ZNF324B: variants seen among roughly 807,000 people sequenced by gnomAD.
ZNF324B encodes zinc finger protein 324B.
A neutral mutation model predicts 10.6 loss-of-function variants in ZNF324B; 7 were observed. That is an observed-to-expected ratio of 0.66 (90% CI 0.38 to 1.24). The LOEUF (loss-of-function observed/expected upper bound fraction) is 1.24, where lower values mean the gene tolerates loss of function less well. Among genes scored for constraint, ZNF324B ranks in the 50% most tolerant of loss-of-function variants. The pLI, the probability that ZNF324B is intolerant of heterozygous loss-of-function variation, is 0.02. For synonymous variants in ZNF324B, 316 were observed against 321.0 expected, an observed-to-expected ratio of 0.98 and a Z score of 0.17; for missense variants, 640 against 764.7, an observed-to-expected ratio of 0.84 and a Z score of 1.92.
chr19:58,454,353 G>C lies in ZNF324B; in HGVS notation c.238+9G>C, dbSNP rs745775277. 3 of 1,592,492 alleles carry C rather than the reference G, an allele frequency of 1.9e-6. No homozygotes were observed. The East Asian group carries it at 6.7e-5, about 36-fold the overall frequency. On this transcript the variant is annotated intron_variant, in intron 3 of 3. Transcript: ENST00000336614. The stretch of plus-strand genomic sequence containing the variant: ...CGGGAGGCTCAACTCTGGTGAGTGG[G>C]AGCTCAGGTGGGGTGAACTAAGGAC...
Position 58,456,023 on chromosome 19 carries a change from G to A in ZNF324B, c.1079G>A (p.Arg360His), listed in dbSNP as rs568658696. 2.5e-6 allele frequency: 4 copies of A among 1,600,624 alleles called. No individual in the cohort carries two copies. The highest frequency in any genetic ancestry group is 2.2e-5 in the East Asian group (1 of 44,542). ...FSHGSNLSQH[R>H]KIHAGGRPYA... ...CACGGCTCCAACCTCAGCCAGCACCGCAAGATCCACGCGGGTGGGCGTCCT... is the reference window on the plus strand; with the variant it reads ...CACGGCTCCAACCTCAGCCAGCACCACAAGATCCACGCGGGTGGGCGTCCT... The change falls in exon 4 of 4, where the codon CGC becomes CAC. Residue 360 changes from arginine (R) to histidine (H), a missense_variant. Around this residue, in one of 3 missense-constraint regions of ZNF324B, gnomAD observed 57 missense variants for 118.8 expected, o/e 0.48. Transcript: ENST00000336614. This position sits in a 1 kb window ranked among gnomAD's most constrained non-coding sequence, Gnocchi z 4.7.
chr19:58,453,272 C>T (rs1160991206), intron 1 of ZNF324B: 3 of 241,114 alleles, frequency 1.2e-5, no homozygotes, highest in Middle Eastern at 1.5e-3. Flanking sequence ...GTCAGGCAAG[C>T]GCAGCAGGGG....
At chr19:58,437,752 C>G in the ZNF324B span, 21 of 985,310 alleles carry the variant, frequency 2.1e-5, no homozygotes, top group Non-Finnish European at 2.5e-5. Context: ...GGATCCATTC[C>G]TGGTCCAAGC....
At chr19:58,438,312 C>T in the ZNF324B span, among the ~76,000 whole-genome samples, 40 of 152,178 alleles carry the variant, frequency 2.6e-4, no homozygotes, top group African/African-American at 9.2e-4. Flanking sequence ...AGCCTAAACC[C>T]GACATAATTT....
the ZNF324B span, among the ~76,000 whole-genome samples, chr19:58,427,343 C>CTTTCTT: frequency 5.2e-4 from 12 of 23,090 alleles, no homozygotes; most frequent in Admixed American, 9.8e-4. Flanking sequence ...TTCTTTCTTT[C>CTTTCTT]TCTTTCCTTT....
intron 2 of ZNF324B, 34 bp from the exon 3 acceptor site, chr19:58,454,194 C>G (rs1345919638): frequency 1.4e-6 from 2 of 1,465,412 alleles, no homozygotes; most frequent in Middle Eastern, 1.8e-4. Context: ...TTGTCTTGAC[C>G]TGGGGCTGGG....
At chr19:58,438,036 C>A in the ZNF324B span, among the ~76,000 whole-genome samples, 3 of 152,202 alleles carry the variant, frequency 2.0e-5, no homozygotes, top group Non-Finnish European at 2.9e-5. Flanking sequence ...GATCTTGCCA[C>A]TCCACCAGCC....
Position 58,456,644 on chromosome 19 carries a change from C to T in ZNF324B, c.*65C>T. ...GAATCCCTTCCACAGCTAAAGGGTC[C>T]GAGTGCTCTTCAGATCCACGATGGG... On this transcript the variant is annotated 3_prime_UTR_variant, in exon 4 of 4. Coordinates refer to ENST00000336614, the MANE Select transcript of ZNF324B (RefSeq NM_207395.3). The surrounding 1 kb of genome is among the most constrained non-coding windows in gnomAD (Gnocchi z 4.7). The T allele has an allele frequency of 6.5e-7, 1 of 1,533,916 alleles. No individual in the cohort carries two copies. Among genetic ancestry groups the T allele is most frequent in the East Asian group, 2.3e-5 (1 of 43,360 alleles).
At chr19:58,427,493 C>CCTTT in the ZNF324B span, among the ~76,000 whole-genome samples, 2 of 105,256 alleles carry the variant, frequency 1.9e-5, no homozygotes, top group East Asian at 2.4e-4. Context: ...TTCCTTCCTT[C>CCTTT]CTTTCTTTCT....
At chr19:58,450,685 T>A (rs948650474), upstream of ZNF324B, among the ~76,000 whole-genome samples, 2 of 152,264 alleles carry the variant, frequency 1.3e-5, no homozygotes, top group Admixed American at 6.5e-5. Context: ...GACAGATATT[T>A]ATAGATGGAG....
At chr19:58,448,957 G>A (rs551432677), upstream of ZNF324B, among the ~76,000 whole-genome samples, 15 of 152,172 alleles carry the variant, frequency 9.9e-5, no homozygotes, top group East Asian at 1.9e-4. Context: ...TTAATCGCCC[G>A]GACAATGGGG....
At chr19:58,427,349 C>CCTTT in the ZNF324B span, among the ~76,000 whole-genome samples, 20 of 56,012 alleles carry the variant, frequency 3.6e-4, no homozygotes, top group East Asian at 1.8e-3. Flanking sequence ...CTTTCTCTTT[C>CCTTT]CTTTCTTTCT....
At chr19:58,433,923 T>C in the ZNF324B span, 1 of 1,614,176 alleles carries the variant, frequency 6.2e-7, no homozygotes, top group Non-Finnish European at 8.5e-7. Context: ...CAGTATGTAC[T>C]TTCTGGTGCT....
Position 58,455,541 on chromosome 19 carries a change from A to T in ZNF324B, c.597A>T (p.Ala199=). ...PRTPERQKPC[A]QEVPGRAFGN... ...CGCCTGAGCGGCAGAAGCCATGTGC[A>T]CAGGAGGTCCCTGGGAGAGCCTTCG... Residue 199 remains alanine, a synonymous_variant, in exon 4 of 4, where the codon GCA becomes GCT. Transcript: ENST00000336614. The surrounding 1 kb of genome is among the most constrained non-coding windows in gnomAD (Gnocchi z 7.0). 6.2e-7 allele frequency: 1 copy of T among 1,614,098 alleles called. No individual in the cohort carries two copies. The highest frequency in any genetic ancestry group is 1.1e-5 in the South Asian group (1 of 91,084).
At chr19:58,434,394 A>C in the ZNF324B span, 33 of 1,614,138 alleles carry the variant, frequency 2.0e-5, no homozygotes, top group Non-Finnish European at 2.8e-5. Flanking sequence ...TCCCACATTC[A>C]TCACACTCAT....
At chr19:58,420,501 G>A in the ZNF324B span, among the ~76,000 whole-genome samples, 89 of 145,578 alleles carry the variant, frequency 6.1e-4, no homozygotes, top group Admixed American at 1.8e-3. Flanking sequence ...TACTGAGGTG[G>A]GAGGATCGCT....
upstream of ZNF324B, among the ~76,000 whole-genome samples, chr19:58,451,157 G>A (rs2052852866): frequency 6.6e-6 from 1 of 152,266 alleles, no homozygotes; most frequent in South Asian, 2.1e-4. Context: ...TCAAACCCTC[G>A]CCCAGGATGC....
At chr19:58,433,737 CCTTT>C in the ZNF324B span, 2 of 1,613,986 alleles carry the variant, frequency 1.2e-6, no homozygotes, top group Non-Finnish European at 1.7e-6. Flanking sequence ...ACTCATAAGG[CCTTT>C]CTTTTGTGTG....
intron 3 of ZNF324B, chr19:58,454,962 T>C: frequency 1.4e-6 from 1 of 702,386 alleles, no homozygotes; most frequent in East Asian, 2.7e-5. Context: ...GTCTGGGGGC[T>C]GCCGCCTTGA....
Sources: allele counts gnomAD v4.1 joint callset (sites outside exome capture counted in the v4.1 genomes callset), GRCh38; gene constraint gnomAD v4.1.1; regional missense constraint gnomAD v4.1.1; non-coding constraint Gnocchi (gnomAD v3.1); transcripts MANE v1.5; gene names NCBI Gene and HGNC (gene_info 2026-07-23, HGNC 2026-07-21).